USP13: variants seen among roughly 807,000 people sequenced by gnomAD.
USP13 encodes the protein ubiquitin carboxyl-terminal hydrolase 13.
A neutral mutation model predicts 107.8 loss-of-function variants in USP13; 68 were observed. The ratio of observed to expected loss-of-function variants is 0.63; its 90% CI spans 0.52 to 0.77. The LOEUF (loss-of-function observed/expected upper bound fraction) is 0.77, where lower values mean the gene tolerates loss of function less well. Ranked by LOEUF, USP13 falls within the 30% of genes least tolerant of loss-of-function variation. The probability of loss-of-function intolerance (pLI) is 0.00; values close to 1 mark genes in which losing one functional copy is unlikely to be tolerated. For missense variants in USP13, 945 were observed against 1,093.3 expected (o/e 0.86, Z 1.91); for synonymous variants, 377 against 389.5 (o/e 0.97, Z 0.38).
intron 2 of USP13, among the ~76,000 whole-genome samples, chr3:179,683,347 G>A (rs997609780): frequency 2.0e-5 from 3 of 152,046 alleles, no homozygotes; most frequent in Non-Finnish European, 4.4e-5. Context: ...TTTGTATCTT[G>A]TCTAAGAAAT....
chr3:179,789,347 G>C lies in USP13; in HGVS notation c.*5206G>C, dbSNP rs1337509308. ...GGAGATTATTTGCCTGAGATGGAAAGAGAGATGGATGATTTATTGCTTCAA... is the reference window on the plus strand; with the variant it reads ...GGAGATTATTTGCCTGAGATGGAAACAGAGATGGATGATTTATTGCTTCAA... On this transcript the variant is annotated 3_prime_UTR_variant, in exon 21 of 21. Transcript: ENST00000263966. 6.6e-6 allele frequency: 1 copy of C among 152,218 alleles called. No homozygotes were observed. Among genetic ancestry groups the C allele is most frequent in the African/African-American group, 2.4e-5 (1 of 41,462 alleles). 9.4% of individuals were successfully genotyped at this position (152,218 alleles called of 1,614,324 possible). A position where few individuals can be genotyped will look rare whatever the true frequency, so the allele number is the denominator to read the frequency against.
At chr3:179,747,966 T>G (rs1314657126) in intron 13 of USP13, among the ~76,000 whole-genome samples, 3 of 152,292 alleles carry the variant, frequency 2.0e-5, no homozygotes, top group East Asian at 3.9e-4. Flanking sequence ...GAATTAGTAC[T>G]GGGTGTATCC....
chr3:179,763,964 A>AAAT (rs1286410246), intron 17 of USP13, 38 bp from the exon 18 acceptor site: 1 of 1,540,182 alleles, frequency 6.5e-7, no homozygotes, highest in Non-Finnish European at 8.7e-7. Flanking sequence ...AAAAAAAAAA[A>AAAT]AAAAAGGAAA....
Position 179,784,694 on chromosome 3 carries a change from A to G in USP13, c.*553A>G, listed in dbSNP as rs996364345. ...CATAATAGAGCCTCTGCAATGAAAG[A>G]TATTTTTAATTTGTCACATTAAAAT... On this transcript the variant is annotated 3_prime_UTR_variant, in exon 21 of 21. Coordinates refer to ENST00000263966, the MANE Select transcript of USP13 (RefSeq NM_003940.3). The G allele has an allele frequency of 2.0e-5, 3 of 152,274 alleles. No individual in the cohort carries two copies. The highest frequency in any genetic ancestry group is 7.2e-5 in the African/African-American group (3 of 41,452). The allele number at this position is 152,274 out of a possible 1,614,324, so 9.4% of individuals were successfully genotyped here.
chr3:179,766,691 C>CA (rs771111328), intron 19 of USP13, among the ~76,000 whole-genome samples: 22 of 152,212 alleles, frequency 1.4e-4, no homozygotes, highest in Non-Finnish European at 1.8e-4. Flanking sequence ...ATGTAATTCT[C>CA]ACTACAACTG....
intron 3 of USP13, among the ~76,000 whole-genome samples, chr3:179,690,606 T>C (rs1712081412): frequency 6.6e-6 from 1 of 152,208 alleles, no homozygotes; most frequent in African/African-American, 2.4e-5. Flanking sequence ...AGGGTCTGGC[T>C]CTCTCGCCTA....
intron 19 of USP13, among the ~76,000 whole-genome samples, chr3:179,775,573 G>A (rs1183768230): frequency 4.6e-5 from 7 of 152,234 alleles, no homozygotes; most frequent in African/African-American, 9.6e-5. Context: ...GCAGGGGGCG[G>A]TGCCCCTCGG....
In USP13 at chr3:179,740,923, C is replaced by T. The variant is rs532842552; in HGVS notation, c.1380+551C>T. 8.3e-4 allele frequency among the ~76,000 whole-genome samples: 126 copies of T among 151,952 alleles called. 1 individual carries two copies. The highest frequency in any genetic ancestry group is 2.9e-3 in the African/African-American group (122 of 41,450). On this transcript the variant is annotated intron_variant, in intron 11 of 20. Coordinates refer to ENST00000263966, the MANE Select transcript of USP13 (RefSeq NM_003940.3). ...CTGGGATTATAGGAGCCTGCCACCA[C>T]GCCCGGCTAATTTTTGTATTTTTAG...
rs1715916248 is a variant in USP13 at position 179,786,397 on chromosome 3, A to C, written c.*2256A>C. 6.6e-6 allele frequency: 1 copy of C among 152,258 alleles called. No individual in the cohort carries two copies. Among genetic ancestry groups the C allele is most frequent in the African/African-American group, 2.4e-5 (1 of 41,476 alleles). The allele number at this position is 152,258 out of a possible 1,614,324, so 9.4% of individuals were successfully genotyped here. ...AAAATTTTGTAATAAAACTTTTAAA[A>C]ATCAGTGATGTAAAATCAATATTTA... On this transcript the variant is annotated 3_prime_UTR_variant, in exon 21 of 21. Transcript: ENST00000263966.
intron 1 of USP13, among the ~76,000 whole-genome samples, chr3:179,658,960 G>C (rs1411958542): frequency 1.3e-5 from 2 of 152,068 alleles, no homozygotes; most frequent in Admixed American, 6.5e-5. Context: ...GCATACAGTG[G>C]CTGAACCAAA....
intron 6 of USP13, among the ~76,000 whole-genome samples, chr3:179,714,589 A>G (rs1713040680): frequency 6.6e-6 from 1 of 152,140 alleles, no homozygotes. Context: ...GGTGCTCAGC[A>G]AATATTATGG....
intron 1 of USP13, among the ~76,000 whole-genome samples, chr3:179,656,693 C>T (rs1720272748): frequency 6.6e-6 from 1 of 152,194 alleles, no homozygotes; most frequent in Admixed American, 6.5e-5. Flanking sequence ...AGACTGAATT[C>T]AAGTGGTTCT....
chr3:179,743,733 C>CT (rs922596516), intron 12 of USP13, among the ~76,000 whole-genome samples: 4 of 148,468 alleles, frequency 2.7e-5, no homozygotes, highest in Admixed American at 6.7e-5. Flanking sequence ...GTGATAACTA[C>CT]TTTTTTTTTT....
chr3:179,765,884 G>C (rs1272435905), intron 19 of USP13, 36 bp downstream of exon 19: 2 of 1,601,824 alleles, frequency 1.2e-6, no homozygotes, highest in Non-Finnish European at 1.7e-6. Context: ...TGAGCAGTCA[G>C]AACTATACGT....
intron 12 of USP13, among the ~76,000 whole-genome samples, chr3:179,743,424 C>A (rs751905500): frequency 3.3e-5 from 5 of 150,582 alleles, no homozygotes; most frequent in Admixed American, 6.6e-5. Context: ...TCAGCGGTTC[C>A]CTGGATGGCC....
chr3:179,684,290 C>CACACACAG (rs1560047707), intron 2 of USP13, among the ~76,000 whole-genome samples: 33 of 107,246 alleles, frequency 3.1e-4, no homozygotes, highest in Non-Finnish European at 3.4e-4. Flanking sequence ...CACACACACA[C>CACACACAG]ACACACACAC....
At chr3:179,765,384 C>T (rs772307215) in intron 18 of USP13, among the ~76,000 whole-genome samples, 3 of 152,220 alleles carry the variant, frequency 2.0e-5, no homozygotes, top group Admixed American at 2.0e-4. Flanking sequence ...TTATTCCACA[C>T]CTATTATTAT....
chr3:179,699,107 T>A (rs753268404), intron 3 of USP13, among the ~76,000 whole-genome samples: 2 of 152,172 alleles, frequency 1.3e-5, no homozygotes, highest in African/African-American at 2.4e-5. Context: ...GACCTCGTGA[T>A]CCACCTGCCT....
intron 1 of USP13, among the ~76,000 whole-genome samples, chr3:179,664,587 G>A (rs1295848949): frequency 6.6e-6 from 1 of 152,146 alleles, no homozygotes; most frequent in Non-Finnish European, 1.5e-5. Context: ...TGCAGATCAG[G>A]CCTCTGTCTG....
Sources: allele counts gnomAD v4.1 joint callset (sites outside exome capture counted in the v4.1 genomes callset), GRCh38; gene constraint gnomAD v4.1.1; transcripts MANE v1.5; gene names NCBI Gene and HGNC (gene_info 2026-07-23, HGNC 2026-07-21).